Variants in THRB observed in about 807,000 individuals in gnomAD.
The protein encoded by THRB is thyroid hormone receptor beta, also known as nuclear receptor subfamily 1 group A member 2.
Under a neutral mutation model 47.8 loss-of-function variants are expected in THRB, and 12 were observed. The ratio of observed to expected loss-of-function variants is 0.25; its 90% confidence interval spans 0.16 to 0.41. The LOEUF (loss-of-function observed/expected upper bound fraction) is 0.41, where lower values mean the gene tolerates loss of function less well. THRB is among the 10% of genes least tolerant of loss of function. The probability of loss-of-function intolerance (pLI) is 1.00; values close to 1 mark genes in which losing one functional copy is unlikely to be tolerated. For synonymous variants in THRB, 218 were observed against 212.2 expected (o/e 1.03, Z -0.24); for missense variants, 348 against 589.2 (o/e 0.59, Z 4.24).
chr3:24,121,886 T>C lies in THRB; in HGVS notation c.*998A>G, dbSNP rs1387576082. On this transcript the variant is annotated 3_prime_UTR_variant, in exon 11 of 11. Coordinates refer to ENST00000646209, the MANE Select transcript of THRB (RefSeq NM_001354712.2). ...TAGCTGCACTAATCTCGCCTCAGCATTTCTCCAGAAGAAGACTGAAGTTTC... is the reference window on the plus strand; with the variant it reads ...TAGCTGCACTAATCTCGCCTCAGCACTTCTCCAGAAGAAGACTGAAGTTTC... 1 of 152,600 alleles carries C rather than the reference T, an allele frequency of 6.6e-6. No homozygotes were observed. The highest frequency in any genetic ancestry group is 3.2e-3 in the Middle Eastern group (1 of 316). The allele number at this position is 152,600 out of a possible 1,614,324, so 9.5% of individuals were successfully genotyped here. A position where few individuals can be genotyped will look rare whatever the true frequency, so the allele number is the denominator to read the frequency against.
In THRB at chr3:24,119,799, AC is replaced by A. The variant is rs2031329037; in HGVS notation, c.*3084del. Reference sequence around the variant, plus strand: ...AGAATCATAAAGAAGAAAACATCTTACTTTTTTCATTGTTTCTGGAAATACT... The same window carrying A: ...AGAATCATAAAGAAGAAAACATCTTATTTTTTCATTGTTTCTGGAAATACT... On this transcript the variant is annotated 3_prime_UTR_variant, in exon 11 of 11. Transcript: ENST00000646209. The A allele has an allele frequency of 6.6e-6, 1 of 152,232 alleles. No homozygotes were observed. The highest frequency in any genetic ancestry group is 2.4e-5 in the African/African-American group (1 of 41,460). The allele number at this position is 152,232 out of a possible 1,614,324, so 9.4% of individuals were successfully genotyped here.
At chr3:24,448,337 T>C (rs1273926511) in intron 1 of THRB, among the ~76,000 whole-genome samples, 3 of 152,214 alleles carry the variant, frequency 2.0e-5, no homozygotes, top group Non-Finnish European at 4.4e-5. Flanking sequence ...CTTTTAAAAG[T>C]CTCCATTGTA....
chr3:24,438,506 G>GGT (rs145050133), intron 1 of THRB, among the ~76,000 whole-genome samples: 16,504 of 145,860 alleles, frequency 0.11, 1,780 homozygotes, highest in African/African-American at 0.28. Context: ...AGAACAAAAA[G>GGT]GTGTGTGTGT....
At chr3:24,148,385 C>T (rs889607859) in intron 6 of THRB, among the ~76,000 whole-genome samples, 1 of 152,156 alleles carries the variant, frequency 6.6e-6, no homozygotes, top group African/African-American at 2.4e-5. Context: ...CCTTGGCCTC[C>T]CAAAGTGCTG....
chr3:24,350,484 T>C (rs1274780311), intron 1 of THRB, among the ~76,000 whole-genome samples: 1 of 152,144 alleles, frequency 6.6e-6, no homozygotes, highest in African/African-American at 2.4e-5. Flanking sequence ...AAACTTGTAA[T>C]ACAGTGCAAT....
chr3:24,473,004 G>A (rs1424166039), intron 1 of THRB, among the ~76,000 whole-genome samples: 1 of 152,080 alleles, frequency 6.6e-6, no homozygotes, highest in Admixed American at 6.6e-5. Flanking sequence ...TCTGTCCTAT[G>A]CTCTTATATA....
intron 1 of THRB, among the ~76,000 whole-genome samples, chr3:24,473,278 T>C (rs1032632982): frequency 6.6e-6 from 1 of 152,166 alleles, no homozygotes. Context: ...CATTTATTCG[T>C]AGTCTCAGGA....
At chr3:24,123,641 G>C (rs1432709751) in intron 10 of THRB, among the ~76,000 whole-genome samples, 1 of 152,174 alleles carries the variant, frequency 6.6e-6, no homozygotes, top group African/African-American at 2.4e-5. Flanking sequence ...GTTTAATTTT[G>C]TGTTGTCTTC....
intron 1 of THRB, among the ~76,000 whole-genome samples, chr3:24,411,319 T>C (rs1214760655): frequency 6.6e-6 from 1 of 151,798 alleles, no homozygotes; most frequent in Non-Finnish European, 1.5e-5. Flanking sequence ...ACCAATATGG[T>C]TATCAAATCG....
At chr3:24,326,720 G>C (rs1219669990) in intron 2 of THRB, among the ~76,000 whole-genome samples, 1 of 141,360 alleles carries the variant, frequency 7.1e-6, no homozygotes, top group African/African-American at 2.7e-5. Flanking sequence ...GTTTGGCCTT[G>C]GTATGGTTTC....
chr3:24,258,268 G>A (rs182709285), intron 3 of THRB, among the ~76,000 whole-genome samples: 117 of 152,270 alleles, frequency 7.7e-4, no homozygotes, highest in African/African-American at 2.7e-3. Flanking sequence ...CTGTCCGTCT[G>A]AGGCACAGAG....
At chr3:24,481,333 T>C (rs991722413) in intron 1 of THRB, among the ~76,000 whole-genome samples, 4 of 150,214 alleles carry the variant, frequency 2.7e-5, no homozygotes, top group African/African-American at 7.4e-5. Flanking sequence ...AGCAGGGCCT[T>C]GTAAGTGTAT....
At chr3:24,165,668 C>T (rs1399336849) in intron 5 of THRB, 1 of 230,870 alleles carries the variant, frequency 4.3e-6, no homozygotes, top group East Asian at 9.0e-5. Flanking sequence ...TAGTTAATTC[C>T]TGGGGAAGAT....
At chr3:24,365,067 T>C (rs1312884977) in intron 1 of THRB, among the ~76,000 whole-genome samples, 1 of 152,184 alleles carries the variant, frequency 6.6e-6, no homozygotes. Flanking sequence ...ACAGGTAAAC[T>C]GCTTAATTCA....
intron 3 of THRB, among the ~76,000 whole-genome samples, chr3:24,243,230 G>A (rs2049752034): frequency 6.6e-6 from 1 of 152,074 alleles, no homozygotes; most frequent in Non-Finnish European, 1.5e-5. Context: ...AGTAGCCTCT[G>A]AAGTAGTATC....
At chr3:24,208,370 A>G (rs1321964969) in intron 4 of THRB, among the ~76,000 whole-genome samples, 2 of 152,326 alleles carry the variant, frequency 1.3e-5, no homozygotes, top group African/African-American at 4.8e-5. Flanking sequence ...TATGGAACGA[A>G]AAAAGAGCCC....
chr3:24,339,084 A>C (rs1029307850), intron 1 of THRB, among the ~76,000 whole-genome samples: 1 of 152,198 alleles, frequency 6.6e-6, no homozygotes, highest in Non-Finnish European at 1.5e-5. Context: ...TTATGTATAC[A>C]TATACACCAT....
chr3:24,128,863 C>CTTTATTTTTTTT (rs2033359025), intron 9 of THRB, among the ~76,000 whole-genome samples: 1 of 87,042 alleles, frequency 1.1e-5, no homozygotes, highest in Non-Finnish European at 2.4e-5. Flanking sequence ...AAACATAACT[C>CTTTATTTTTTTT]TTTTTTTTTT....
intron 3 of THRB, among the ~76,000 whole-genome samples, chr3:24,230,695 G>A (rs1175242410): frequency 1.3e-5 from 2 of 152,136 alleles, no homozygotes; most frequent in Non-Finnish European, 2.9e-5. Context: ...ACCCATGGAA[G>A]CTGCCATGTT....
Sources: gnomAD v4.1 joint callset for allele counts (sites outside exome capture counted in the v4.1 genomes callset) on GRCh38, gnomAD v4.1.1 for gene constraint, MANE v1.5 for transcripts, NCBI Gene and HGNC (gene_info 2026-07-23, HGNC 2026-07-21) for gene names.